DTNA: variants seen among roughly 807,000 people sequenced by gnomAD.
DTNA encodes the protein dystrophin-related protein 3.
In DTNA, 43 loss-of-function variants were observed where a neutral mutation model predicts 100.7. The ratio of observed to expected loss-of-function variants is 0.43; its 90% confidence interval spans 0.33 to 0.55. The LOEUF (loss-of-function observed/expected upper bound fraction) is 0.55, where lower values mean the gene tolerates loss of function less well. Among genes scored for constraint, DTNA ranks in the 20% least tolerant of loss-of-function variants. The pLI is 0.04. For missense variants in DTNA, 798 were observed against 953.9 expected (o/e 0.84, Z 2.15); for synonymous variants, 349 against 347.9 (o/e 1.00, Z -0.04).
At chr18:34,603,549 C>T (rs1389301178) in intron 1 of DTNA, among the ~76,000 whole-genome samples, 1 of 151,702 alleles carries the variant, frequency 6.6e-6, no homozygotes, top group Non-Finnish European at 1.5e-5. Context: ...TGTTAAATGG[C>T]ATTGATTTTC....
intron 1 of DTNA, among the ~76,000 whole-genome samples, chr18:34,714,816 A>C (rs35924467): frequency 1.3e-3 from 193 of 152,348 alleles, no homozygotes; most frequent in Non-Finnish European, 2.4e-3. Flanking sequence ...CCAAACGTCC[A>C]ACAATGATAG....
intron 7 of DTNA, 83 bp downstream of exon 7, chr18:34,816,097 G>C (rs1602560775): frequency 1.4e-6 from 2 of 1,381,928 alleles, no homozygotes; most frequent in Non-Finnish European, 1.0e-6. Context: ...AGCCCAGGCT[G>C]TTGTTTTAGG....
intron 5 of DTNA, 79 bp from the exon 6 acceptor site, chr18:34,811,880 A>T: frequency 1.9e-6 from 3 of 1,549,638 alleles, no homozygotes; most frequent in South Asian, 2.3e-5. Context: ...CTTTTTTGTC[A>T]TTTGTAGCAG....
chr18:34,650,681 T>C (rs908063057), intron 1 of DTNA, among the ~76,000 whole-genome samples: 9 of 152,214 alleles, frequency 5.9e-5, no homozygotes, highest in African/African-American at 2.2e-4. Context: ...AAGGCAAAGC[T>C]GCTGCAATTG....
rs756932426 is a variant in DTNA at position 34,882,092 on chromosome 18, A to G, written c.2186A>G (p.Tyr729Cys). Reference sequence around the variant, plus strand: ...AGGGTTACGGAGGATGCAGATCCCTATGTGCAGCCTGAAGATGAAAACTAT... The same window carrying G: ...AGGGTTACGGAGGATGCAGATCCCTGTGTGCAGCCTGAAGATGAAAACTAT... ...GDMVTEDADP[Y>C]VQPEDENYEN... The change falls in exon 21 of 23, where the codon TAT becomes TGT. Residue 729 changes from tyrosine to cysteine, a missense_variant. Around this residue, in one of 6 missense-constraint regions of DTNA, gnomAD observed 242 missense variants for 238.2 expected, o/e 1.02. Coordinates refer to ENST00000444659, the MANE Select transcript of DTNA (RefSeq NM_001386795.1). 38 of 1,613,986 alleles carry G rather than the reference A, an allele frequency of 2.4e-5. No homozygotes were observed. In the East Asian group the frequency reaches 4.2e-4, roughly 18 times the overall value.
At chr18:34,736,194 A>C (rs1168028932) in intron 1 of DTNA, among the ~76,000 whole-genome samples, 4 of 152,186 alleles carry the variant, frequency 2.6e-5, no homozygotes, top group African/African-American at 9.7e-5. Flanking sequence ...AGTATTATAA[A>C]GGAGAGCAAT....
intron 1 of DTNA, among the ~76,000 whole-genome samples, chr18:34,542,080 G>C (rs537588806): frequency 3.9e-5 from 6 of 152,170 alleles, no homozygotes; most frequent in African/African-American, 1.4e-4. Flanking sequence ...TCTAGCTGTG[G>C]ACAGTGCCCT....
At chr18:34,776,434 A>G (rs1205565681) in intron 3 of DTNA, among the ~76,000 whole-genome samples, 1 of 152,168 alleles carries the variant, frequency 6.6e-6, no homozygotes, top group African/African-American at 2.4e-5. Flanking sequence ...CCCGGGTTCA[A>G]GCTGCATCAG....
At chr18:34,674,326 T>C (rs560719932) in intron 1 of DTNA, among the ~76,000 whole-genome samples, 1 of 152,318 alleles carries the variant, frequency 6.6e-6, no homozygotes, top group South Asian at 2.1e-4. Context: ...ATGCCCTTAA[T>C]AGGAAGTAAA....
intron 10 of DTNA, among the ~76,000 whole-genome samples, chr18:34,828,035 T>C (rs998861557): frequency 6.6e-6 from 1 of 152,214 alleles, no homozygotes; most frequent in African/African-American, 2.4e-5. Context: ...TGCAATGGTG[T>C]GTTACTATAT....
intron 1 of DTNA, among the ~76,000 whole-genome samples, chr18:34,534,261 A>T (rs1022652118): frequency 6.6e-6 from 1 of 152,116 alleles, no homozygotes; most frequent in African/African-American, 2.4e-5. Flanking sequence ...AGGCAGGAGA[A>T]CCTGTGTTTT....
At chr18:34,710,053 G>C (rs546901864), upstream of DTNA, among the ~76,000 whole-genome samples, 1 of 152,176 alleles carries the variant, frequency 6.6e-6, no homozygotes, top group African/African-American at 2.4e-5. Flanking sequence ...TTAGTTAGTT[G>C]GGAAACCTTT....
At chr18:34,558,077 C>A (rs1351536110) in intron 1 of DTNA, 1 of 153,732 alleles carries the variant, frequency 6.5e-6, no homozygotes, top group African/African-American at 2.4e-5. Flanking sequence ...CATGGTGTGC[C>A]GTTTTTAAAG....
chr18:34,875,366 T>G lies in DTNA; in HGVS notation c.1871T>G (p.Val624Gly). Residue 624 changes from valine to glycine, a missense_variant, in exon 18 of 23, where the codon GTA becomes GGA. Val to Gly is a moderately radical substitution (Grantham distance 109, BLOSUM62 -3). This residue lies in a region of DTNA where 242 missense variants were observed against 238.2 expected (regional missense o/e 1.02). Coordinates refer to ENST00000444659, the MANE Select transcript of DTNA (RefSeq NM_001386795.1). ...THTPQDSLTG[V>G]GGDVQEAFAQ... ...ACGCCGCAGGACTCCCTCACAGGAG[T>G]AGGGGGAGATGTACAAGAGGCATTT... The G allele has an allele frequency of 1.2e-6, 2 of 1,613,846 alleles. No homozygotes were observed. Among genetic ancestry groups the G allele is most frequent in the Non-Finnish European group, 1.7e-6 (2 of 1,179,964 alleles).
At position 34,848,417 on chromosome 18, in the gene DTNA, G is replaced by A. The variant is rs775233137; in HGVS notation, c.1434+34G>A. ...TTGGAGTAAAAGGATTCGTCTGTTG[G>A]CATCTGGGATCCTTGAATTTTATAT... On this transcript the variant is annotated intron_variant, in intron 14 of 22. Coordinates refer to ENST00000444659, the MANE Select transcript of DTNA (RefSeq NM_001386795.1). 5.0e-6 allele frequency: 8 copies of A among 1,603,942 alleles called. No individual in the cohort carries two copies. The Admixed American group carries it at 1.3e-4, about 27-fold the overall frequency.
At chr18:34,719,139 C>T (rs1490527879) in intron 1 of DTNA, among the ~76,000 whole-genome samples, 1 of 151,624 alleles carries the variant, frequency 6.6e-6, no homozygotes, top group Non-Finnish European at 1.5e-5. Flanking sequence ...ACCAGTCTGG[C>T]ACCAACATGG....
intron 1 of DTNA, among the ~76,000 whole-genome samples, chr18:34,519,579 A>C (rs2041971885): frequency 6.6e-6 from 1 of 152,144 alleles, no homozygotes; most frequent in Non-Finnish European, 1.5e-5. Flanking sequence ...TTGTCCTGTA[A>C]TGAAGGTTTA....
intron 20 of DTNA, among the ~76,000 whole-genome samples, chr18:34,881,423 G>T (rs1242331991): frequency 4.6e-5 from 6 of 131,352 alleles, no homozygotes; most frequent in African/African-American, 1.8e-4. Context: ...TAGTGGAATT[G>T]GATAATTAAA....
chr18:34,553,647 T>C lies in DTNA; in HGVS notation c.-2+60133T>C, dbSNP rs1263467100. On this transcript the variant is annotated intron_variant, in intron 1 of 19. Coordinates refer to the DTNA transcript ENST00000283365. ...TTTATTAAATAGGGAATCCTTTCCCTATTGCTTGTTTTTCTCAGGTTTGTC... is the reference window on the plus strand; with the variant it reads ...TTTATTAAATAGGGAATCCTTTCCCCATTGCTTGTTTTTCTCAGGTTTGTC... Among the ~76,000 whole-genome samples the C allele has an allele frequency of 3.4e-4, 52 of 152,038 alleles. No individual in the cohort carries two copies. The East Asian group carries it at 5.6e-3, about 16-fold the overall frequency.
Sources: gnomAD v4.1 joint callset for allele counts (sites outside exome capture counted in the v4.1 genomes callset) on GRCh38, gnomAD v4.1.1 for gene constraint, gnomAD v4.1.1 regional missense constraint, MANE v1.5 for transcripts, NCBI Gene and HGNC (gene_info 2026-07-23, HGNC 2026-07-21) for gene names.